The following UBASH3B variants were observed in gnomAD, a reference collection of about 807,000 sequenced individuals.
UBASH3B encodes ubiquitin associated and SH3 domain containing B.
Under a neutral mutation model 83.4 loss-of-function variants are expected in UBASH3B, and 37 were observed. That is an observed-to-expected ratio of 0.44 (90% confidence interval 0.34 to 0.58). The LOEUF (loss-of-function observed/expected upper bound fraction) is 0.58. Ranked by LOEUF, UBASH3B falls within the 20% of genes least tolerant of loss-of-function variation. The pLI is 0.01. For missense variants in UBASH3B, 657 were observed against 827.2 expected (o/e 0.79, Z 2.52); for synonymous variants, 304 against 318.3 (o/e 0.96, Z 0.48).
At chr11:122,708,484 G>A (rs146176769) in intron 1 of UBASH3B, among the ~76,000 whole-genome samples, 1,617 of 152,136 alleles carry the variant, frequency 0.011, 22 homozygotes, top group African/African-American at 0.035. Flanking sequence ...AGTAGAGACA[G>A]GGTTTCACCA....
Position 122,812,405 on chromosome 11 carries a change from C to G in UBASH3B, c.*2519C>G, listed in dbSNP as rs1861465478. 1 of 152,138 alleles carries G rather than the reference C, an allele frequency of 6.6e-6. No homozygotes were observed. The highest frequency in any genetic ancestry group is 1.5e-5 in the Non-Finnish European group (1 of 68,034). 9.4% of individuals were successfully genotyped at this position (152,138 alleles called of 1,614,324 possible). A position where few individuals can be genotyped will look rare whatever the true frequency, so the allele number is the denominator to read the frequency against. On this transcript the variant is annotated 3_prime_UTR_variant, in exon 14 of 14. Transcript: ENST00000284273. ...TATGTATAATAAAAGAAAGAGACAA[C>G]TATATTACTCAATTTCATATACATC...
intron 1 of UBASH3B, among the ~76,000 whole-genome samples, chr11:122,764,240 G>A (rs1169540497): frequency 1.3e-5 from 2 of 152,222 alleles, no homozygotes; most frequent in East Asian, 3.8e-4. Flanking sequence ...TAGCCATAAG[G>A]AGAAATAGGC....
At chr11:122,779,771 T>A in intron 4 of UBASH3B, 76 bp downstream of exon 4, 1 of 1,561,714 alleles carries the variant, frequency 6.4e-7, no homozygotes, top group African/African-American at 1.4e-5. Flanking sequence ...TAGGAAATAG[T>A]GGTAGAGGAG....
intron 1 of UBASH3B, among the ~76,000 whole-genome samples, chr11:122,662,799 C>A (rs1266900762): frequency 2.0e-5 from 3 of 152,096 alleles, no homozygotes; most frequent in Non-Finnish European, 4.4e-5. Context: ...ACAGTGCATA[C>A]CCTTGTACTT....
chr11:122,731,584 A>G (rs1209808200), intron 1 of UBASH3B, among the ~76,000 whole-genome samples: 1 of 152,192 alleles, frequency 6.6e-6, no homozygotes, highest in Non-Finnish European at 1.5e-5. Context: ...TGGATTCACT[A>G]CTGCATCCAC....
chr11:122,727,014 T>TA (rs1205727323), intron 1 of UBASH3B, among the ~76,000 whole-genome samples: 1 of 152,192 alleles, frequency 6.6e-6, no homozygotes, highest in Non-Finnish European at 1.5e-5. Context: ...GACTTATTTT[T>TA]AAAAAAGGAT....
At chr11:122,672,451 A>G (rs1322481677) in intron 1 of UBASH3B, among the ~76,000 whole-genome samples, 1 of 151,672 alleles carries the variant, frequency 6.6e-6, no homozygotes, top group Non-Finnish European at 1.5e-5. Flanking sequence ...TCAACCTCCC[A>G]TGTAGCTGGG....
intron 1 of UBASH3B, among the ~76,000 whole-genome samples, chr11:122,749,930 G>C (rs1160098088): frequency 6.6e-6 from 1 of 152,022 alleles, no homozygotes; most frequent in Non-Finnish European, 1.5e-5. Context: ...ATGGGTTTTT[G>C]CCATCTTGGC....
intron 1 of UBASH3B, among the ~76,000 whole-genome samples, chr11:122,660,251 G>A (rs1863419762): frequency 6.6e-6 from 1 of 152,168 alleles, no homozygotes; most frequent in African/African-American, 2.4e-5. Flanking sequence ...GGAGGACTGA[G>A]AAGTGGCGAT....
rs531502662 is a variant in UBASH3B at position 122,803,916 on chromosome 11, C to CGTGACCTGCTG, written c.1596-2493_1596-2483dup. On this transcript the variant is annotated intron_variant, in intron 11 of 13. Transcript: ENST00000284273. ...CCTGCAGGTGTGGCTAGCAGCATGACGTGACCTGCTGACAAGGGTGAGGAA... is the reference window on the plus strand; with the variant it reads ...CCTGCAGGTGTGGCTAGCAGCATGACGTGACCTGCTGGTGACCTGCTGACAAGGGTGAGGAA... Among the ~76,000 whole-genome samples, 52 of 152,090 alleles carry CGTGACCTGCTG rather than the reference C, an allele frequency of 3.4e-4. No homozygotes were observed. The South Asian group carries it at 0.01, about 30-fold the overall frequency.
chr11:122,727,701 A>C (rs1860767747), intron 1 of UBASH3B: 1 of 152,186 alleles, frequency 6.6e-6, no homozygotes, highest in African/African-American at 2.4e-5. Context: ...TTCTTGAGGC[A>C]GTGTGTTTAT....
intron 1 of UBASH3B, among the ~76,000 whole-genome samples, chr11:122,657,519 C>G (rs1863380568): frequency 6.6e-6 from 1 of 152,106 alleles, no homozygotes; most frequent in African/African-American, 2.4e-5. Context: ...GAACTCCTGA[C>G]CTCAGGTGAT....
intron 1 of UBASH3B, among the ~76,000 whole-genome samples, chr11:122,658,522 A>G (rs935005562): frequency 1.3e-5 from 2 of 152,148 alleles, no homozygotes; most frequent in Non-Finnish European, 2.9e-5. Context: ...CTAAGTACTT[A>G]TATCTTTATT....
At chr11:122,776,466 G>A (rs1860737044) in intron 2 of UBASH3B, among the ~76,000 whole-genome samples, 194 bp downstream of exon 2, 1 of 152,120 alleles carries the variant, frequency 6.6e-6, no homozygotes, top group South Asian at 2.1e-4. Context: ...CCTTGGAGCT[G>A]TTTAAAGAAA....
chr11:122,779,248 G>A (rs925355907), intron 3 of UBASH3B: 3 of 552,886 alleles, frequency 5.4e-6, no homozygotes, highest in East Asian at 3.2e-5. Flanking sequence ...CTGGGTTCAC[G>A]GGGGCCACTT....
chr11:122,762,606 C>T (rs957602356), intron 1 of UBASH3B, among the ~76,000 whole-genome samples: 1 of 152,206 alleles, frequency 6.6e-6, no homozygotes, highest in African/African-American at 2.4e-5. Flanking sequence ...ATCTAAACTC[C>T]CCTGCCTGGC....
chr11:122,785,223 C>T (rs1860926344), intron 5 of UBASH3B, among the ~76,000 whole-genome samples: 1 of 152,306 alleles, frequency 6.6e-6, no homozygotes, highest in Non-Finnish European at 1.5e-5. Context: ...TCTTTTATCT[C>T]TTATTTGTAA....
chr11:122,806,086 G>C lies in UBASH3B; in HGVS notation c.1596-324G>C, dbSNP rs1302677516. ...TAAATAGGTTGAGGGTTCCATCTCT[G>C]CTTTGTTTTGTATTAGCTATGTGAC... On this transcript the variant is annotated intron_variant, in intron 11 of 13. Coordinates refer to ENST00000284273, the MANE Select transcript of UBASH3B (RefSeq NM_032873.5). This position sits in a 1 kb window ranked among gnomAD's most constrained non-coding sequence, Gnocchi z 4.0. Among the ~76,000 whole-genome samples the C allele has an allele frequency of 6.6e-6, 1 of 152,140 alleles. No homozygotes were observed. The highest frequency in any genetic ancestry group is 1.5e-5 in the Non-Finnish European group (1 of 68,016).
At chr11:122,752,282 T>C (rs4936738) in intron 1 of UBASH3B, among the ~76,000 whole-genome samples, 10,637 of 152,192 alleles carry the variant, frequency 0.07, 395 homozygotes, top group South Asian at 0.18. Context: ...GAGTGTTGTC[T>C]AGTGCTATTG....
Sources: gnomAD v4.1 joint callset for allele counts (sites outside exome capture counted in the v4.1 genomes callset) on GRCh38, gnomAD v4.1.1 for gene constraint, Gnocchi (gnomAD v3.1) non-coding constraint, MANE v1.5 for transcripts, NCBI Gene and HGNC (gene_info 2026-07-23, HGNC 2026-07-21) for gene names.